KCTD10: variants seen among roughly 807,000 people sequenced by gnomAD.
KCTD10 encodes the protein BTB/POZ domain-containing adapter for CUL3-mediated RhoA degradation protein 3.
In KCTD10, 13 loss-of-function variants were observed where a neutral mutation model predicts 34.6. That is an observed-to-expected ratio of 0.38 (90% CI 0.24 to 0.60). The LOEUF is 0.60. Ranked by LOEUF, KCTD10 falls within the 20% of genes least tolerant of loss-of-function variation. The probability of loss-of-function intolerance (pLI) is 0.66; values close to 1 mark genes in which losing one functional copy is unlikely to be tolerated. For synonymous variants in KCTD10, 156 were observed against 168.8 expected (o/e 0.92, Z 0.59); for missense variants, 256 against 420.3 (o/e 0.61, Z 3.42).
chr12:109,464,913 T>C (rs1167592084), intron 2 of KCTD10: 7 of 452,622 alleles, frequency 1.5e-5, no homozygotes, highest in Non-Finnish European at 2.7e-5. Context: ...GAAGATGCTG[T>C]CCCAATTCCC....
rs1873264193 is a variant in KCTD10 at position 109,460,569 on chromosome 12, G to A, written c.387+67C>T. ...GAAACTGCCCCCATTTTGCAGAGAG[G>A]GAAAATGAGGAAGGCAGGTAGGCTT... On this transcript the variant is annotated intron_variant, in intron 3 of 6. Transcript: ENST00000228495. The surrounding 1 kb of genome is among the most constrained non-coding windows in gnomAD (Gnocchi z 4.5). 2 of 1,509,220 alleles carry A rather than the reference G, an allele frequency of 1.3e-6. No homozygotes were observed. Among genetic ancestry groups the A allele is most frequent in the Non-Finnish European group, 1.8e-6 (2 of 1,106,356 alleles). The allele number at this position is 1,509,220 out of a possible 1,614,324, so 93.5% of individuals were successfully genotyped here.
intron 6 of KCTD10, among the ~76,000 whole-genome samples, chr12:109,452,797 CAG>C (rs1036579164): frequency 3.3e-5 from 5 of 151,266 alleles, no homozygotes; most frequent in African/African-American, 1.2e-4. Context: ...GGGAGGCCAA[CAG>C]AGTCTAACAG....
At chr12:109,457,827 G>A in intron 4 of KCTD10, 145 bp from the exon 5 acceptor site, 1 of 1,033,592 alleles carries the variant, frequency 9.7e-7, no homozygotes, top group Non-Finnish European at 1.5e-6. Flanking sequence ...GGGACCACAT[G>A]ACCCAATAGC....
intron 4 of KCTD10, 128 bp from the exon 5 acceptor site, chr12:109,457,810 G>A (rs1342669405): frequency 2.7e-6 from 3 of 1,114,936 alleles, no homozygotes; most frequent in African/African-American, 1.5e-5. Flanking sequence ...CTTGCTGGCT[G>A]GAGAGGGGGA....
Position 109,460,582 on chromosome 12 carries a change from G to A in KCTD10, c.387+54C>T. 4.5e-6 allele frequency: 7 copies of A among 1,545,146 alleles called. No homozygotes were observed. The highest frequency in any genetic ancestry group is 6.2e-6 in the Non-Finnish European group (7 of 1,133,124). Reference sequence around the variant, plus strand: ...TTTTGCAGAGAGGGAAAATGAGGAAGGCAGGTAGGCTTGGTGCCTCTCCAC... The same window carrying A: ...TTTTGCAGAGAGGGAAAATGAGGAAAGCAGGTAGGCTTGGTGCCTCTCCAC... On this transcript the variant is annotated intron_variant, in intron 3 of 6. Transcript: ENST00000228495. The surrounding 1 kb of genome is among the most constrained non-coding windows in gnomAD (Gnocchi z 4.5).
chr12:109,464,817 A>G, intron 2 of KCTD10: 1 of 456,102 alleles, frequency 2.2e-6, no homozygotes, highest in Non-Finnish European at 4.4e-6. Context: ...GACAGTGCCA[A>G]GGGTTGGCAA....
Position 109,451,488 on chromosome 12 carries a change from C to T in KCTD10, c.*107G>A. Reference sequence around the variant, plus strand: ...ATCTGGCTTGTTACAAAAGTATCTCCAGGCTCCAAGGGAAGCAGAAGGGGC... The same window carrying T: ...ATCTGGCTTGTTACAAAAGTATCTCTAGGCTCCAAGGGAAGCAGAAGGGGC... On this transcript the variant is annotated 3_prime_UTR_variant, in exon 7 of 7. Transcript: ENST00000228495. The surrounding 1 kb of genome is among the most constrained non-coding windows in gnomAD (Gnocchi z 5.0). The T allele has an allele frequency of 9.5e-7, 1 of 1,055,688 alleles. No homozygotes were observed. Among genetic ancestry groups the T allele is most frequent in the Non-Finnish European group, 1.4e-6 (1 of 733,042 alleles). 65.4% of individuals were successfully genotyped at this position (1,055,688 alleles called of 1,614,324 possible).
chr12:109,462,759 A>G (rs1457012795), intron 2 of KCTD10, among the ~76,000 whole-genome samples: 1 of 152,154 alleles, frequency 6.6e-6, no homozygotes, highest in Non-Finnish European at 1.5e-5. Context: ...AGAAACCCAG[A>G]TTTTTCTGTG....
intron 3 of KCTD10, chr12:109,459,395 G>A (rs1007829274): frequency 6.6e-6 from 1 of 152,226 alleles, no homozygotes; most frequent in Non-Finnish European, 1.5e-5. Flanking sequence ...AACCTCTGAT[G>A]TGTCTGAACA....
chr12:109,456,637 G>A (rs1873032759), intron 5 of KCTD10: 3 of 398,910 alleles, frequency 7.5e-6, no homozygotes, highest in Non-Finnish European at 1.4e-5. Flanking sequence ...GTGGAGGAGA[G>A]CACCTCACCG....
chr12:109,470,697 C>G (rs910176404), intron 1 of KCTD10: 5 of 611,166 alleles, frequency 8.2e-6, no homozygotes, highest in Non-Finnish European at 1.0e-5. Flanking sequence ...TGTGCCCTTG[C>G]GACAAGACAA....
At position 109,471,713 on chromosome 12, in the gene KCTD10, G is replaced by T. The variant is rs113551772; in HGVS notation, c.4-1985C>A. Among the ~76,000 whole-genome samples the T allele has an allele frequency of 4.0e-3, 616 of 152,262 alleles. 3 individuals carry two copies. The highest frequency in any genetic ancestry group is 7.0e-3 in the Non-Finnish European group (479 of 68,022). On this transcript the variant is annotated intron_variant, in intron 1 of 6. Coordinates refer to ENST00000228495, the MANE Select transcript of KCTD10 (RefSeq NM_031954.5). The stretch of plus-strand genomic sequence containing the variant: ...AAAACTGTGAAGACCTCGAAGGGGG[G>T]GAGAAAAGGCTTACGGTCATGGGTG...
intron 3 of KCTD10, chr12:109,458,380 G>T: frequency 3.8e-6 from 1 of 262,986 alleles, no homozygotes; most frequent in African/African-American, 2.2e-5. Flanking sequence ...GCAGAAACGT[G>T]TTTTAATCAA....
intron 6 of KCTD10, among the ~76,000 whole-genome samples, chr12:109,455,248 A>G (rs1872958163): frequency 6.6e-6 from 1 of 152,192 alleles, no homozygotes; most frequent in Admixed American, 6.5e-5. Flanking sequence ...TATGTTGTCA[A>G]ATTCATCCTG....
At chr12:109,463,592 G>C (rs73196242) in intron 2 of KCTD10, among the ~76,000 whole-genome samples, 5 of 152,282 alleles carry the variant, frequency 3.3e-5, no homozygotes, top group Non-Finnish European at 5.9e-5. Flanking sequence ...TGGGATCCCA[G>C]ACCCATTAGG....
Position 109,457,686 on chromosome 12 carries a change from T to C in KCTD10, c.475-4A>G, listed in dbSNP as rs750204348. The C allele has an allele frequency of 4.3e-6, 7 of 1,614,134 alleles. No homozygotes were observed. The highest frequency in any genetic ancestry group is 5.9e-6 in the Non-Finnish European group (7 of 1,179,952). On this transcript the variant is annotated splice_polypyrimidine_tract_variant and splice_region_variant and intron_variant, in intron 4 of 6. Transcript: ENST00000228495. ...TGTAGAGCAACTTCACGGCTGGCTGTGGGTTGTTTTAAAAGAAGAAGAAGA... is the reference window on the plus strand; with the variant it reads ...TGTAGAGCAACTTCACGGCTGGCTGCGGGTTGTTTTAAAAGAAGAAGAAGA...
intron 5 of KCTD10, chr12:109,456,635 G>C (rs897392226): frequency 1.5e-5 from 6 of 404,310 alleles, no homozygotes; most frequent in South Asian, 1.1e-4. Context: ...AGGTGGAGGA[G>C]AGCACCTCAC....
chr12:109,465,236 C>T (rs1018211812), intron 2 of KCTD10, among the ~76,000 whole-genome samples: 12 of 152,156 alleles, frequency 7.9e-5, no homozygotes, highest in Admixed American at 2.6e-4. Flanking sequence ...ACTCTACCAC[C>T]GGAAAATGTC....
At chr12:109,470,628 C>T (rs922879341) in intron 1 of KCTD10, 8 of 982,136 alleles carry the variant, frequency 8.1e-6, no homozygotes, top group African/African-American at 3.5e-5. Flanking sequence ...GCTGGCCCTA[C>T]CATTCCCATT....
Sources: gnomAD v4.1 joint callset for allele counts (sites outside exome capture counted in the v4.1 genomes callset) on GRCh38, gnomAD v4.1.1 for gene constraint, Gnocchi (gnomAD v3.1) non-coding constraint, MANE v1.5 for transcripts, NCBI Gene and HGNC (gene_info 2026-07-23, HGNC 2026-07-21) for gene names.